The following ADAM10 variants were observed in gnomAD, a reference collection of about 807,000 sequenced individuals.
The protein encoded by ADAM10 is disintegrin and metalloproteinase domain-containing protein 10.
ADAM10 carries 17 observed loss-of-function variants against 90.1 expected under a neutral mutation model. The observed-to-expected ratio is 0.19, with a 90% CI of 0.13 to 0.28. ADAM10 has a LOEUF of 0.28. Ranked by LOEUF, ADAM10 falls within the 10% of genes least tolerant of loss-of-function variation. The pLI, the probability that ADAM10 is intolerant of heterozygous loss-of-function variation, is 1.00. For missense variants in ADAM10, 610 were observed against 914.3 expected (o/e 0.67, Z 4.29); for synonymous variants, 310 against 298.6 (o/e 1.04, Z -0.40).
At chr15:58,700,859 T>TA (rs1433543051) in intron 2 of ADAM10, among the ~76,000 whole-genome samples, 11 of 150,360 alleles carry the variant, frequency 7.3e-5, no homozygotes, top group South Asian at 6.4e-4. Context: ...TAAAAAAATG[T>TA]AAAAAAAACA....
chr15:58,655,711 G>GTGTATATATATATA lies in ADAM10; in HGVS notation c.585+9385_585+9386insTATATATATATACA, dbSNP rs1212041296. On this transcript the variant is annotated intron_variant, in intron 5 of 15. Transcript: ENST00000260408. Reference sequence around the variant, plus strand: ...ATTATATATAGTATATATATATATAGTATATATATATATATATATATATAT... The same window carrying GTGTATATATATATA: ...ATTATATATAGTATATATATATATAGTGTATATATATATATATATATATATATATATATATATAT... Among the ~76,000 whole-genome samples the GTGTATATATATATA allele has an allele frequency of 3.5e-4, 19 of 53,706 alleles. 1 individual carries two copies. Among genetic ancestry groups the GTGTATATATATATA allele is most frequent in the African/African-American group, 1.3e-3 (16 of 12,404 alleles). 35.2% of individuals were successfully genotyped at this position (53,706 alleles called of 152,430 possible).
chr15:58,624,000 G>A (rs1895864175), intron 10 of ADAM10, among the ~76,000 whole-genome samples: 1 of 150,938 alleles, frequency 6.6e-6, no homozygotes, highest in African/African-American at 2.5e-5. Context: ...AAAAAAAAGG[G>A]GGGGCCAGGC....
chr15:58,652,050 TTAGGAAATGTC>T (rs1257131397), intron 5 of ADAM10, among the ~76,000 whole-genome samples: 1 of 152,222 alleles, frequency 6.6e-6, no homozygotes, highest in African/African-American at 2.4e-5. Flanking sequence ...ATGTCTTCTT[TTAGGAAATGTC>T]TATTCAGATC....
chr15:58,625,453 G>A (rs1466794528), intron 10 of ADAM10, among the ~76,000 whole-genome samples: 5 of 152,086 alleles, frequency 3.3e-5, no homozygotes, highest in African/African-American at 4.8e-5. Context: ...AAAACCATGA[G>A]ATATCACAGC....
At chr15:58,749,369 G>C (rs1260347691) in intron 1 of ADAM10, 111 bp downstream of exon 1, 1 of 1,211,416 alleles carries the variant, frequency 8.3e-7, no homozygotes, top group African/African-American at 1.6e-5. Context: ...GGCGCCGCTG[G>C]CCGGCTGGGC....
Position 58,615,791 on chromosome 15 carries a change from T to C in ADAM10, c.1512-3800A>G, listed in dbSNP as rs192060595. ...GGGAGGCCGAGGCGGGCAGATCACC[T>C]GAGGTCAGGAGTTCAAGACCAGCCT... On this transcript the variant is annotated intron_variant, in intron 11 of 15. Coordinates refer to ENST00000260408, the MANE Select transcript of ADAM10 (RefSeq NM_001110.4). 2.6e-5 allele frequency among the ~76,000 whole-genome samples: 4 copies of C among 152,174 alleles called. No individual in the cohort carries two copies. In the East Asian group the frequency reaches 7.7e-4, roughly 29 times the overall value.
intron 2 of ADAM10, chr15:58,698,320 C>A (rs1254706413): frequency 2.2e-6 from 1 of 444,558 alleles, no homozygotes; most frequent in Non-Finnish European, 4.5e-6. Context: ...ATCTGTAATC[C>A]CAGCACTGTG....
chr15:58,708,387 C>T (rs1426898333), intron 2 of ADAM10, among the ~76,000 whole-genome samples: 1 of 151,972 alleles, frequency 6.6e-6, no homozygotes, highest in Non-Finnish European at 1.5e-5. Context: ...TGAGGCCACA[C>T]CCGGTGGCTC....
chr15:58,642,368 G>A (rs1896437983), intron 7 of ADAM10, among the ~76,000 whole-genome samples: 1 of 152,046 alleles, frequency 6.6e-6, no homozygotes, highest in African/African-American at 2.4e-5. Flanking sequence ...GGGAGGCTGA[G>A]GTGGGAGAAT....
At chr15:58,635,185 G>C (rs2140678426) in intron 8 of ADAM10, among the ~76,000 whole-genome samples, 1 of 145,728 alleles carries the variant, frequency 6.9e-6, no homozygotes, top group South Asian at 2.2e-4. Context: ...TGAGGCAGGA[G>C]AATGGCGTGA....
At position 58,622,743 on chromosome 15, in the gene ADAM10, A is replaced by G. The variant is rs576821033; in HGVS notation, c.1361-1122T>C. Among the ~76,000 whole-genome samples the G allele has an allele frequency of 1.2e-4, 18 of 152,344 alleles. No homozygotes were observed. The South Asian group carries it at 1.2e-3, about 11-fold the overall frequency. The stretch of plus-strand genomic sequence containing the variant: ...TAGAAAATTTCTTCAGCAGTCTTCT[A>G]AAGTTCTTTGATTTTTGTCAATGGA... On this transcript the variant is annotated intron_variant, in intron 10 of 15. Transcript: ENST00000260408.
intron 2 of ADAM10, among the ~76,000 whole-genome samples, chr15:58,682,944 A>C (rs1897480846): frequency 1.3e-5 from 2 of 152,184 alleles, no homozygotes; most frequent in African/African-American, 4.8e-5. Flanking sequence ...CAAAATACTA[A>C]AGTAAAATTA....
chr15:58,671,295 A>G (rs1897185036), intron 4 of ADAM10, among the ~76,000 whole-genome samples: 1 of 152,222 alleles, frequency 6.6e-6, no homozygotes, highest in Non-Finnish European at 1.5e-5. Context: ...CTGCTTATGG[A>G]GATTATCTAA....
At chr15:58,611,719 C>T in intron 12 of ADAM10, 89 bp downstream of exon 12, 1 of 1,279,902 alleles carries the variant, frequency 7.8e-7, no homozygotes, top group Non-Finnish European at 1.1e-6. Flanking sequence ...AGATTAATTA[C>T]TTTAACTATG....
chr15:58,695,038 G>C (rs937744397), intron 2 of ADAM10, among the ~76,000 whole-genome samples: 1 of 152,222 alleles, frequency 6.6e-6, no homozygotes, highest in African/African-American at 2.4e-5. Context: ...TTTTATGTAA[G>C]TAGGGGTCAG....
At position 58,611,940 on chromosome 15, in the gene ADAM10, A is replaced by C; in HGVS notation, c.1563T>G (p.Ser521=). 6.2e-7 allele frequency: 1 copy of C among 1,614,210 alleles called. No individual in the cohort carries two copies. The highest frequency in any genetic ancestry group is 8.5e-7 in the Non-Finnish European group (1 of 1,180,030). ...CTAQCAFKSK[S]EKCRDDSDCA... Reference sequence around the variant, plus strand: ...AGTCTGAATCATCCCGACACTTCTCAGACTTTGACTTGAATGCACACTGTG... The same window carrying C: ...AGTCTGAATCATCCCGACACTTCTCCGACTTTGACTTGAATGCACACTGTG... The change falls in exon 12 of 16, where the codon TCT becomes TCG. Residue 521 remains serine (S), a synonymous_variant. Transcript: ENST00000260408.
In ADAM10 at chr15:58,717,687, A is replaced by G. The variant is rs766154639; in HGVS notation, c.96T>C (p.Tyr32=). ...GNPLNKYIRH[Y]EGLSYNVDSL... is the part of the protein sequence containing the mutation. The stretch of plus-strand genomic sequence containing the variant: ...AATCCACATTGTAAGATAATCCTTC[A>G]TAATGTCTGATATATTTATTTAAAG... The change falls in exon 2 of 16, where the codon TAT becomes TAC. Residue 32 remains tyrosine (Y), a synonymous_variant. Coordinates refer to ENST00000260408, the MANE Select transcript of ADAM10 (RefSeq NM_001110.4). 1.2e-6 allele frequency: 2 copies of G among 1,613,602 alleles called. No homozygotes were observed. Among genetic ancestry groups the G allele is most frequent in the South Asian group, 1.1e-5 (1 of 91,050 alleles).
intron 1 of ADAM10, among the ~76,000 whole-genome samples, chr15:58,727,526 C>T (rs961695741): frequency 6.6e-6 from 1 of 152,034 alleles, no homozygotes; most frequent in African/African-American, 2.4e-5. Flanking sequence ...GAAATGGGGA[C>T]TCGCTATGTT....
chr15:58,666,874 G>T (rs1274435581), intron 4 of ADAM10, among the ~76,000 whole-genome samples: 1 of 152,042 alleles, frequency 6.6e-6, no homozygotes, highest in Non-Finnish European at 1.5e-5. Flanking sequence ...TTCAAATTCT[G>T]TCAGCACAAA....
Sources: allele counts gnomAD v4.1 joint callset (sites outside exome capture counted in the v4.1 genomes callset), GRCh38; gene constraint gnomAD v4.1.1; transcripts MANE v1.5; gene names NCBI Gene and HGNC (gene_info 2026-07-23, HGNC 2026-07-21).